CSMD1: variants seen among roughly 807,000 people sequenced by gnomAD.
The protein encoded by CSMD1 is CUB and sushi domain-containing protein 1.
A neutral mutation model predicts 417.5 loss-of-function variants in CSMD1; 213 were observed. That is an observed-to-expected ratio of 0.51 (90% CI 0.46 to 0.57). The LOEUF (loss-of-function observed/expected upper bound fraction) is 0.57, where lower values mean the gene tolerates loss of function less well. Ranked by LOEUF, CSMD1 falls within the 20% of genes least tolerant of loss-of-function variation. The pLI is 0.00. For missense variants in CSMD1, 6,923 were observed against 4,529.7 expected, an observed-to-expected ratio of 1.53 and a Z score of -15.17; for synonymous variants, 2,862 against 1,736.8, an observed-to-expected ratio of 1.65 and a Z score of -16.11.
intron 1 of CSMD1, among the ~76,000 whole-genome samples, chr8:4,661,060 G>A (rs1198497237): frequency 6.6e-6 from 1 of 152,152 alleles, no homozygotes; most frequent in Non-Finnish European, 1.5e-5. Context: ...ACAGTTGGCA[G>A]TTTCTTTATA....
At chr8:3,784,016 T>A (rs891748243) in intron 5 of CSMD1, among the ~76,000 whole-genome samples, 2 of 152,234 alleles carry the variant, frequency 1.3e-5, no homozygotes, top group Non-Finnish European at 2.9e-5. Flanking sequence ...GCAAAATGTT[T>A]ATCATCGTAC....
intron 3 of CSMD1, among the ~76,000 whole-genome samples, chr8:4,104,470 G>C (rs1329224871): frequency 2.0e-5 from 3 of 152,136 alleles, no homozygotes; most frequent in African/African-American, 7.2e-5. Flanking sequence ...TGCACTGAAT[G>C]TATTTGACTC....
At chr8:4,272,109 A>G (rs1315774901) in intron 3 of CSMD1, among the ~76,000 whole-genome samples, 1 of 152,134 alleles carries the variant, frequency 6.6e-6, no homozygotes, top group Non-Finnish European at 1.5e-5. Flanking sequence ...CACACCTGTC[A>G]GGGGTGTGTG....
At chr8:3,584,685 A>T (rs1444092455) in intron 9 of CSMD1, among the ~76,000 whole-genome samples, 1 of 152,252 alleles carries the variant, frequency 6.6e-6, no homozygotes, top group Non-Finnish European at 1.5e-5. Context: ...ATACTGATTT[A>T]AAAGTAACAT....
intron 2 of CSMD1, among the ~76,000 whole-genome samples, chr8:4,549,555 A>T (rs1797774030): frequency 6.6e-6 from 1 of 152,108 alleles, no homozygotes; most frequent in Non-Finnish European, 1.5e-5. Flanking sequence ...TCATGTGCAC[A>T]GCCTCCCGCA....
chr8:4,145,247 A>C (rs1460141089), intron 3 of CSMD1, among the ~76,000 whole-genome samples: 1 of 150,992 alleles, frequency 6.6e-6, no homozygotes, highest in Admixed American at 6.6e-5. Context: ...CATGACCTGG[A>C]CAGGTATAAC....
At chr8:3,466,165 AT>A (rs1356017869) in intron 12 of CSMD1, among the ~76,000 whole-genome samples, 1 of 151,530 alleles carries the variant, frequency 6.6e-6, no homozygotes, top group Non-Finnish European at 1.5e-5. Context: ...TACTCAGTTG[AT>A]TTTTCAATAA....
At chr8:4,234,696 G>C (rs75986144) in intron 3 of CSMD1, among the ~76,000 whole-genome samples, 5,827 of 152,234 alleles carry the variant, frequency 0.038, 127 homozygotes, top group East Asian at 0.087. Flanking sequence ...TGAATGAATG[G>C]TGTGGTGTAC....
intron 3 of CSMD1, among the ~76,000 whole-genome samples, chr8:4,247,007 A>G (rs1802753920): frequency 6.6e-6 from 1 of 152,246 alleles, no homozygotes; most frequent in Non-Finnish European, 1.5e-5. Context: ...TAAAACACTC[A>G]GCGCCCCATA....
At chr8:4,398,367 T>G (rs559413085) in intron 3 of CSMD1, among the ~76,000 whole-genome samples, 1 of 150,752 alleles carries the variant, frequency 6.6e-6, no homozygotes, top group East Asian at 2.0e-4. Flanking sequence ...ATCCTCTTTT[T>G]AAATTGTCTT....
At chr8:3,303,549 A>G (rs941963502) in intron 25 of CSMD1, among the ~76,000 whole-genome samples, 1 of 152,198 alleles carries the variant, frequency 6.6e-6, no homozygotes, top group African/African-American at 2.4e-5. Context: ...CTATACTACC[A>G]AATGCAATTT....
chr8:4,750,015 T>C (rs1811198168), intron 1 of CSMD1, among the ~76,000 whole-genome samples: 1 of 151,986 alleles, frequency 6.6e-6, no homozygotes. Flanking sequence ...ATAATTATTA[T>C]TATTTTTTTG....
chr8:4,745,705 C>G (rs1340171397), intron 1 of CSMD1, among the ~76,000 whole-genome samples: 1 of 152,142 alleles, frequency 6.6e-6, no homozygotes, highest in Non-Finnish European at 1.5e-5. Context: ...CTACTGAGGG[C>G]TATCATTAAC....
intron 26 of CSMD1, among the ~76,000 whole-genome samples, chr8:3,269,594 A>C (rs1376228651): frequency 6.6e-5 from 10 of 152,202 alleles, no homozygotes; most frequent in Non-Finnish European, 8.8e-5. Flanking sequence ...ATCTCGCAAA[A>C]CCTGAGAATG....
chr8:3,289,620 T>C (rs372442742), intron 25 of CSMD1, among the ~76,000 whole-genome samples: 1 of 147,334 alleles, frequency 6.8e-6, no homozygotes, highest in East Asian at 2.0e-4. Context: ...TGCATAAATG[T>C]CTTCTTTTGA....
At chr8:4,406,404 C>T (rs950107209) in intron 3 of CSMD1, among the ~76,000 whole-genome samples, 1 of 151,964 alleles carries the variant, frequency 6.6e-6, no homozygotes, top group Non-Finnish European at 1.5e-5. Flanking sequence ...TTTACTTCCC[C>T]AACCTCATAA....
intron 6 of CSMD1, among the ~76,000 whole-genome samples, chr8:3,735,737 T>C (rs1425852536): frequency 6.6e-6 from 1 of 152,226 alleles, no homozygotes; most frequent in Non-Finnish European, 1.5e-5. Context: ...GAGCAAGGCC[T>C]ACCACACCTC....
At chr8:4,246,597 G>A (rs1802725749) in intron 3 of CSMD1, among the ~76,000 whole-genome samples, 1 of 152,154 alleles carries the variant, frequency 6.6e-6, no homozygotes, top group Non-Finnish European at 1.5e-5. Context: ...TGTAGAATTT[G>A]ATATGATGGG....
At chr8:4,916,908 G>A (rs1463838775) in intron 1 of CSMD1, among the ~76,000 whole-genome samples, 2 of 152,194 alleles carry the variant, frequency 1.3e-5, no homozygotes, top group African/African-American at 2.4e-5. Flanking sequence ...GACTGGTGAT[G>A]GATACCAACA....
Sources: gnomAD v4.1 joint callset for allele counts (sites outside exome capture counted in the v4.1 genomes callset) on GRCh38, gnomAD v4.1.1 for gene constraint, MANE v1.5 for transcripts, NCBI Gene and HGNC (gene_info 2026-07-23, HGNC 2026-07-21) for gene names.